The following PPL variants were observed in gnomAD, a reference collection of about 807,000 sequenced individuals.
The protein encoded by PPL is periplakin.
PPL carries 198 observed loss-of-function variants against 194.4 expected under a neutral mutation model. That is an observed-to-expected ratio of 1.02 (90% CI 0.91 to 1.15). The LOEUF is 1.15. PPL is among the 50% of genes most tolerant of loss of function. The pLI, the probability that PPL is intolerant of heterozygous loss-of-function variation, is 0.00. For synonymous variants in PPL, 1,220 were observed against 972.4 expected (o/e 1.25, Z -4.74); for missense variants, 2,885 against 2,294.8 (o/e 1.26, Z -5.25).
chr16:4,909,382 C>G (rs987066047), intron 2 of PPL, among the ~76,000 whole-genome samples: 6 of 151,232 alleles, frequency 4.0e-5, no homozygotes, highest in Non-Finnish European at 8.8e-5. Flanking sequence ...TGACCTCCCT[C>G]CTGACCTCCC....
intron 1 of PPL, among the ~76,000 whole-genome samples, chr16:4,929,529 C>T (rs777209934): frequency 8.5e-5 from 13 of 152,184 alleles, no homozygotes; most frequent in South Asian, 2.1e-4. Context: ...GAATCAGCCA[C>T]GCATGTCCCC....
chr16:4,887,042 C>T lies in PPL; in HGVS notation c.2607+93G>A. On this transcript the variant is annotated intron_variant, in intron 21 of 21. Coordinates refer to ENST00000345988, the MANE Select transcript of PPL (RefSeq NM_002705.5). ...CAGAAACGTTAGCAAGGGGACACTT[C>T]CATCAATTCACAAACCATTTCTCTA... The T allele has an allele frequency of 4.6e-6, 5 of 1,082,588 alleles. No individual in the cohort carries two copies. In the East Asian group the frequency reaches 7.2e-5, roughly 15 times the overall value. 67.1% of individuals were successfully genotyped at this position (1,082,588 alleles called of 1,614,324 possible).
Position 4,895,674 on chromosome 16 carries a change from C to A in PPL, c.1015G>T (p.Val339Leu). ...TACTTCTGGTTCAGGTCCGAGTCCA[C>A]CTTGCGCAGCAGCTCCTGAGCGTCC... ...VKDAQELLRK[V>L]DSDLNQKYGP... Residue 339 changes from valine (V) to leucine (L), a missense_variant, in exon 10 of 22, where the codon GTG becomes TTG. Coordinates refer to ENST00000345988, the MANE Select transcript of PPL (RefSeq NM_002705.5). The A allele has an allele frequency of 1.2e-6, 2 of 1,614,000 alleles. No homozygotes were observed. Among genetic ancestry groups the A allele is most frequent in the Non-Finnish European group, 1.7e-6 (2 of 1,180,010 alleles).
intron 3 of PPL, 31 bp downstream of exon 3, chr16:4,903,855 T>A (rs750064001): frequency 6.2e-7 from 1 of 1,610,414 alleles, no homozygotes; most frequent in Non-Finnish European, 8.5e-7. Flanking sequence ...CCCCAATGGC[T>A]CCCCTGGGGT....
chr16:4,912,355 G>A (rs1410702421), intron 1 of PPL, among the ~76,000 whole-genome samples: 1 of 152,226 alleles, frequency 6.6e-6, no homozygotes, highest in Non-Finnish European at 1.5e-5. Context: ...TTCAAGCTTT[G>A]TGCATATTGC....
intron 2 of PPL, among the ~76,000 whole-genome samples, chr16:4,906,156 G>A (rs1036074282): frequency 6.6e-6 from 1 of 152,112 alleles, no homozygotes; most frequent in African/African-American, 2.4e-5. Flanking sequence ...CCCCAACCCT[G>A]GGGTAGGCTG....
intron 1 of PPL, among the ~76,000 whole-genome samples, chr16:4,927,548 T>C (rs543875385): frequency 6.6e-6 from 1 of 152,328 alleles, no homozygotes; most frequent in Admixed American, 6.5e-5. Context: ...TAGATCTCTA[T>C]AGGAAGGAAG....
At chr16:4,887,007 T>A in intron 21 of PPL, 128 bp downstream of exon 21, 1 of 776,674 alleles carries the variant, frequency 1.3e-6, no homozygotes, top group Non-Finnish European at 2.2e-6. Flanking sequence ...GTCTTTGCAT[T>A]GGCCCTGCCC....
At chr16:4,926,794 G>A (rs1379343020) in intron 1 of PPL, among the ~76,000 whole-genome samples, 1 of 146,752 alleles carries the variant, frequency 6.8e-6, no homozygotes, top group African/African-American at 2.5e-5. Flanking sequence ...CGGGAGAATG[G>A]CGTGAACCTG....
chr16:4,934,347 G>T lies in PPL; in HGVS notation c.62+2637C>A, dbSNP rs111718124. Among the ~76,000 whole-genome samples, 1,105 of 152,126 alleles carry T rather than the reference G, an allele frequency of 7.3e-3. 12 individuals carry two copies. Among genetic ancestry groups the T allele is most frequent in the African/African-American group, 0.025 (1,058 of 41,492 alleles). ...CTAATCCACACTTTGTAGTCCAAAG[G>T]CCTGACTACCTTGGGTATGAAAGTC... On this transcript the variant is annotated intron_variant, in intron 1 of 21. Transcript: ENST00000345988.
intron 1 of PPL, among the ~76,000 whole-genome samples, chr16:4,917,364 G>A (rs960425896): frequency 2.0e-5 from 3 of 152,234 alleles, no homozygotes; most frequent in South Asian, 2.1e-4. Context: ...TACAGCCTCA[G>A]GAACCTCGAG....
rs1462479972 is a variant in PPL, at chr16:4,899,297, G to C, written c.694C>G (p.Gln232Glu). 1 of 1,613,608 alleles carries C rather than the reference G, an allele frequency of 6.2e-7. No homozygotes were observed. Among genetic ancestry groups the C allele is most frequent in the Non-Finnish European group, 8.5e-7 (1 of 1,180,010 alleles). The change falls in exon 7 of 22, where the codon CAG becomes GAG. Residue 232 changes from glutamine to glutamate, a missense_variant. Coordinates refer to ENST00000345988, the MANE Select transcript of PPL (RefSeq NM_002705.5). ...CTNELYWLDQ[Q>E]AKGRMQYDWS... ...TCGTACTGCATGCGGCCCTTGGCCT[G>C]CTGGTCCAGCCAGTACAGCTCATTG...
At chr16:4,901,416 T>C (rs879480605) in intron 4 of PPL, among the ~76,000 whole-genome samples, 3 of 152,300 alleles carry the variant, frequency 2.0e-5, no homozygotes, top group Admixed American at 6.5e-5. Context: ...TGGCCAGGCA[T>C]GGTGACTGAT....
Position 4,884,981 on chromosome 16 carries a change from T to C in PPL, c.3674A>G (p.Gln1225Arg), listed in dbSNP as rs769520693. Residue 1225 changes from glutamine to arginine, a missense_variant, in exon 22 of 22, where the codon CAG (glutamine) becomes CGG (arginine). Transcript: ENST00000345988. The surrounding 1 kb of genome is among the most constrained non-coding windows in gnomAD (Gnocchi z 5.7). ...ELEALRRRGP[Q>R]VEVKEVTKEV... ...CTTAGTCACCTCTTTGACTTCCACC[T>C]GGGGGCCTCGCCTCCTGAGGGCCTC... is the stretch of plus-strand genomic sequence containing the variant. 5 of 1,613,994 alleles carry C rather than the reference T, an allele frequency of 3.1e-6. No homozygotes were observed. The Admixed American group carries it at 5.0e-5, about 16-fold the overall frequency.
At position 4,919,623 on chromosome 16, in the gene PPL, CCT is replaced by C. The variant is rs201605392; in HGVS notation, c.63-8676_63-8675del. Among the ~76,000 whole-genome samples, 65 of 152,188 alleles carry C rather than the reference CCT, an allele frequency of 4.3e-4. No homozygotes were observed. The East Asian group carries it at 0.011, about 26-fold the overall frequency. On this transcript the variant is annotated intron_variant, in intron 1 of 21. Transcript: ENST00000345988. ...CATCTGTGAAATGTGAGCAAGAAAT[CCT>C]CTCTAGTTATGTTCATGTATGGGCC...
At chr16:4,927,188 G>A (rs1024604762) in intron 1 of PPL, among the ~76,000 whole-genome samples, 6 of 152,116 alleles carry the variant, frequency 3.9e-5, no homozygotes, top group African/African-American at 1.2e-4. Flanking sequence ...CAAGCTATAT[G>A]CCATTTTATA....
chr16:4,921,013 C>T (rs527320369), intron 1 of PPL, among the ~76,000 whole-genome samples: 8 of 152,300 alleles, frequency 5.3e-5, no homozygotes, highest in East Asian at 3.9e-4. Flanking sequence ...GCCTTGTTGA[C>T]GCTGTGGGTC....
intron 1 of PPL, among the ~76,000 whole-genome samples, chr16:4,934,186 A>G (rs1019675172): frequency 2.6e-5 from 4 of 151,822 alleles, no homozygotes; most frequent in Non-Finnish European, 5.9e-5. Flanking sequence ...GTGAACATCA[A>G]CTCCCACACC....
At chr16:4,901,225 C>G (rs1168865380) in intron 4 of PPL, 136 bp from the exon 5 acceptor site, 3 of 917,438 alleles carry the variant, frequency 3.3e-6, no homozygotes, top group Admixed American at 2.8e-5. Context: ...CAAGGAGATG[C>G]TGGCCACACC....
Sources: gnomAD v4.1 joint callset for allele counts (sites outside exome capture counted in the v4.1 genomes callset) on GRCh38, gnomAD v4.1.1 for gene constraint, Gnocchi (gnomAD v3.1) non-coding constraint, MANE v1.5 for transcripts, NCBI Gene and HGNC (gene_info 2026-07-23, HGNC 2026-07-21) for gene names.